Variants in ZNF354C observed in about 807,000 individuals in gnomAD.
ZNF354C encodes the protein KRAB-zinc finger protein synten.
Under a neutral mutation model 12.4 loss-of-function variants are expected in ZNF354C, and 7 were observed. That is an observed-to-expected ratio of 0.56 (90% confidence interval 0.32 to 1.06). The LOEUF (loss-of-function observed/expected upper bound fraction) is 1.06. Among genes scored for constraint, ZNF354C ranks in the 50% least tolerant of loss-of-function variants. The pLI, the probability that ZNF354C is intolerant of heterozygous loss-of-function variation, is 0.04. For synonymous variants in ZNF354C, 202 were observed against 224.5 expected (o/e 0.90, Z 0.90); for missense variants, 609 against 658.0 (o/e 0.93, Z 0.81).
intron 2 of ZNF354C, among the ~76,000 whole-genome samples, chr5:179,069,435 T>C (rs957136290): frequency 6.6e-6 from 1 of 151,832 alleles, no homozygotes; most frequent in East Asian, 1.9e-4. Context: ...TTGTGGCACG[T>C]GCCTATAATC....
chr5:179,069,783 G>T (rs1332880182), intron 2 of ZNF354C, among the ~76,000 whole-genome samples: 15 of 150,020 alleles, frequency 1.0e-4, no homozygotes, highest in African/African-American at 3.7e-4. Context: ...GGAGAATGGT[G>T]TGAACCCGGG....
In ZNF354C at chr5:179,066,308, G is replaced by T. The variant is rs75477129; in HGVS notation, c.27+4213G>T. Among the ~76,000 whole-genome samples the T allele has an allele frequency of 7.3e-3, 1,109 of 152,270 alleles. 12 individuals are homozygous for T. Among genetic ancestry groups the T allele is most frequent in the African/African-American group, 0.025 (1,044 of 41,552 alleles). On this transcript the variant is annotated intron_variant, in intron 2 of 4. Transcript: ENST00000315475. ...ACAGAGTATTCCCCTCTTCCTTACG[G>T]CATTGCTGCCATTCATTTCACTCAT...
chr5:179,076,354 G>T lies in ZNF354C; in HGVS notation c.28-91G>T. The T allele has an allele frequency of 2.5e-6, 4 of 1,570,754 alleles. No homozygotes were observed. The South Asian group carries it at 4.6e-5, about 18-fold the overall frequency. ...TTGACGTGAATTATTAGAATCCTGA[G>T]ATTTTCTGTACATCCCACTGTCACT... On this transcript the variant is annotated intron_variant, in intron 2 of 4. Transcript: ENST00000315475.
intron 2 of ZNF354C, among the ~76,000 whole-genome samples, chr5:179,072,883 GTAAA>G (rs1283458291): frequency 2.6e-5 from 4 of 152,114 alleles, no homozygotes; most frequent in South Asian, 2.1e-4. Context: ...ATGTTTTTAA[GTAAA>G]TAATCTGGTA....
intron 2 of ZNF354C, among the ~76,000 whole-genome samples, chr5:179,073,809 C>G (rs1762079361): frequency 6.6e-6 from 1 of 151,822 alleles, no homozygotes; most frequent in African/African-American, 2.4e-5. Context: ...GTGCATGCAA[C>G]CAAGCCTGGC....
intron 2 of ZNF354C, 64 bp from the exon 3 acceptor site, chr5:179,076,381 T>G: frequency 6.2e-7 from 1 of 1,607,478 alleles, no homozygotes; most frequent in Admixed American, 1.7e-5. Flanking sequence ...ACTGTCACTT[T>G]CTTCCTGCAT....
chr5:179,074,070 A>G (rs1328274983), intron 2 of ZNF354C, among the ~76,000 whole-genome samples: 1 of 148,722 alleles, frequency 6.7e-6, no homozygotes. Flanking sequence ...TGCAACCTCT[A>G]CCTCCCGGTT....
rs1761883085 is a variant in ZNF354C, at chr5:179,060,969, GC to G, written c.-55+305del. ...GGGGCCTGGGGCTAGGATCAGGATTGCCTTCCCGGCCCTTATGACTTTGGGC... is the reference window on the plus strand; with the variant it reads ...GGGGCCTGGGGCTAGGATCAGGATTGCTTCCCGGCCCTTATGACTTTGGGC... On this transcript the variant is annotated intron_variant, in intron 1 of 4. Coordinates refer to ENST00000315475, the MANE Select transcript of ZNF354C (RefSeq NM_014594.3). This position sits in a 1 kb window ranked among gnomAD's most constrained non-coding sequence, Gnocchi z 4.2. Among the ~76,000 whole-genome samples the G allele has an allele frequency of 6.6e-6, 1 of 152,216 alleles. No homozygotes were observed.
At chr5:179,069,823 G>A (rs1165507449) in intron 2 of ZNF354C, among the ~76,000 whole-genome samples, 6 of 151,144 alleles carry the variant, frequency 4.0e-5, no homozygotes, top group Non-Finnish European at 5.9e-5. Flanking sequence ...CCGAGATTGC[G>A]CCCCTGCACT....
In ZNF354C at chr5:179,066,726, C is replaced by T. The variant is rs73806853; in HGVS notation, c.27+4631C>T. On this transcript the variant is annotated intron_variant, in intron 2 of 4. Coordinates refer to ENST00000315475, the MANE Select transcript of ZNF354C (RefSeq NM_014594.3). Reference sequence around the variant, plus strand: ...GGGAAAATCCACTGTCATTCTTATCCTTGTTCTCTATAGGTAAGATCTTTT... The same window carrying T: ...GGGAAAATCCACTGTCATTCTTATCTTTGTTCTCTATAGGTAAGATCTTTT... Among the ~76,000 whole-genome samples, 1,507 of 152,180 alleles carry T rather than the reference C, an allele frequency of 9.9e-3. 24 individuals carry two copies. Among genetic ancestry groups the T allele is most frequent in the African/African-American group, 0.034 (1,427 of 41,522 alleles).
intron 2 of ZNF354C, among the ~76,000 whole-genome samples, chr5:179,075,122 G>A (rs1437746026): frequency 1.3e-5 from 2 of 152,056 alleles, no homozygotes; most frequent in East Asian, 3.9e-4. Context: ...AGCCGGGTGT[G>A]GTGGTGGGCG....
Position 179,079,233 on chromosome 5 carries a change from T to G in ZNF354C, c.801T>G (p.Thr267=). The stretch of plus-strand genomic sequence containing the variant: ...TTCTTTCTCATCAGAGAATTCATAC[T>G]GGAGAGAAACCTTACAAGTGTAATG... ...SSLLSHQRIH[T]GEKPYKCNEC... Residue 267 remains threonine, a synonymous_variant, in exon 5 of 5, where the codon ACT becomes ACG. Coordinates refer to ENST00000315475, the MANE Select transcript of ZNF354C (RefSeq NM_014594.3). This position sits in a 1 kb window ranked among gnomAD's most constrained non-coding sequence, Gnocchi z 4.2. 6.2e-7 allele frequency: 1 copy of G among 1,614,088 alleles called. No homozygotes were observed. Among genetic ancestry groups the G allele is most frequent in the Non-Finnish European group, 8.5e-7 (1 of 1,179,996 alleles).
At chr5:179,078,099 C>A (rs183552484) in intron 4 of ZNF354C, among the ~76,000 whole-genome samples, 235 of 152,270 alleles carry the variant, frequency 1.5e-3, no homozygotes, top group Middle Eastern at 3.4e-3. Context: ...CCGCGCCCGG[C>A]CTGTCTTCTC....
intron 2 of ZNF354C, among the ~76,000 whole-genome samples, chr5:179,065,424 T>C (rs1381326816): frequency 2.0e-5 from 3 of 152,044 alleles, no homozygotes; most frequent in African/African-American, 7.2e-5. Flanking sequence ...TTTTGTTTTT[T>C]TGTTTTTTTT....
chr5:179,069,997 A>G (rs896849599), intron 2 of ZNF354C, among the ~76,000 whole-genome samples: 1 of 152,234 alleles, frequency 6.6e-6, no homozygotes, highest in African/African-American at 2.4e-5. Context: ...GGAAACAGGA[A>G]GAGAACAAAG....
At chr5:179,073,133 T>G (rs1333799481) in intron 2 of ZNF354C, among the ~76,000 whole-genome samples, 4 of 152,156 alleles carry the variant, frequency 2.6e-5, no homozygotes, top group African/African-American at 9.7e-5. Flanking sequence ...GAATGACATT[T>G]TACATGCTGA....
At chr5:179,070,302 C>T (rs1434746503) in intron 2 of ZNF354C, among the ~76,000 whole-genome samples, 1 of 152,148 alleles carries the variant, frequency 6.6e-6, no homozygotes, top group African/African-American at 2.4e-5. Context: ...CTGTCTTCCA[C>T]GAAACCTGTC....
Position 179,064,659 on chromosome 5 carries a change from C to A in ZNF354C, c.27+2564C>A, listed in dbSNP as rs369735458. ...TCCATCTCCTGACCTCGTGATCCAC[C>A]TGCCTTGGCCTCCCAAAGTGCTGGG... On this transcript the variant is annotated intron_variant, in intron 2 of 4. Transcript: ENST00000315475. Among the ~76,000 whole-genome samples, 11 of 151,952 alleles carry A rather than the reference C, an allele frequency of 7.2e-5. No individual in the cohort carries two copies. The East Asian group carries it at 2.1e-3, about 30-fold the overall frequency.
chr5:179,062,555 G>A (rs957470940), intron 2 of ZNF354C, among the ~76,000 whole-genome samples: 6 of 152,126 alleles, frequency 3.9e-5, no homozygotes, highest in African/African-American at 1.4e-4. Flanking sequence ...GGGAGTTCGT[G>A]GTATCGATCT....
Sources: allele counts gnomAD v4.1 joint callset (sites outside exome capture counted in the v4.1 genomes callset), GRCh38; gene constraint gnomAD v4.1.1; non-coding constraint Gnocchi (gnomAD v3.1); transcripts MANE v1.5; gene names NCBI Gene and HGNC (gene_info 2026-07-23, HGNC 2026-07-21).